Variants in PLCB2 observed in about 807,000 individuals in gnomAD.
PLCB2 encodes 1-phosphatidylinositol 4,5-bisphosphate phosphodiesterase beta-2.
Under a neutral mutation model 141.7 loss-of-function variants are expected in PLCB2, and 115 were observed. That is an observed-to-expected ratio of 0.81 (90% CI 0.70 to 0.95). The LOEUF is 0.95. Among genes scored for constraint, PLCB2 ranks in the 40% least tolerant of loss-of-function variants. The pLI is 0.00. For missense variants in PLCB2, 1,403 were observed against 1,541.1 expected (o/e 0.91, Z 1.50); for synonymous variants, 603 against 595.6 (o/e 1.01, Z -0.18).
chr15:40,303,117 A>T (rs1402051772), intron 3 of PLCB2, among the ~76,000 whole-genome samples, 171 bp downstream of exon 3: 1 of 152,196 alleles, frequency 6.6e-6, no homozygotes, highest in Non-Finnish European at 1.5e-5. Flanking sequence ...AGGCGAGCCC[A>T]GGAGCTGCCG....
intron 16 of PLCB2, 83 bp from the exon 17 acceptor site, chr15:40,295,368 C>G: frequency 1.1e-6 from 1 of 936,046 alleles, no homozygotes; most frequent in South Asian, 1.3e-5. Flanking sequence ...GGGCAGCTCC[C>G]TCTGGCCTAT....
At chr15:40,301,318 GATTCGCTCC>G (rs1391862957) in intron 7 of PLCB2, 4 of 548,442 alleles carry the variant, frequency 7.3e-6, no homozygotes, top group Non-Finnish European at 1.3e-5. Flanking sequence ...CAGGGGCTGA[GATTCGCTCC>G]ATTGGCCAGG....
chr15:40,298,538 G>A, intron 10 of PLCB2, 24 bp downstream of exon 10: 3 of 1,614,030 alleles, frequency 1.9e-6, no homozygotes, highest in Non-Finnish European at 2.5e-6. Context: ...AGCAGAGGTT[G>A]GCACCAATGT....
Position 40,298,313 on chromosome 15 carries a change from G to C in PLCB2, c.1065C>G (p.Cys355Trp). Residue 355 changes from cysteine to tryptophan, a missense_variant, in exon 11 of 32, where the codon TGC (cysteine) becomes TGG (tryptophan). This residue lies in a region of PLCB2 where 975 missense variants were observed against 1,141.1 expected (regional missense o/e 0.85). Transcript: ENST00000260402. Reference sequence around the variant, plus strand: ...TCCCCTTCCAGCAGTCTAGCTCCACGCAACGGCAGCCAGAGAGCAGCACCT... The same window carrying C: ...TCCCCTTCCAGCAGTCTAGCTCCACCCAACGGCAGCCAGAGAGCAGCACCT... ...YRQVLLSGCR[C>W]VELDCWKGKP... is the part of the protein sequence containing the mutation. 6.2e-7 allele frequency: 1 copy of C among 1,607,676 alleles called. No individual in the cohort carries two copies. Among genetic ancestry groups the C allele is most frequent in the Non-Finnish European group, 8.5e-7 (1 of 1,175,706 alleles).
chr15:40,290,512 TA>T (rs2039829802), intron 29 of PLCB2, 64 bp downstream of exon 29: 2 of 1,163,466 alleles, frequency 1.7e-6, no homozygotes, highest in African/African-American at 1.5e-5. Flanking sequence ...GATCCATTTG[TA>T]GAGAGGCCCC....
At chr15:40,289,238 G>T in intron 31 of PLCB2, 34 bp downstream of exon 31, 2 of 1,566,934 alleles carry the variant, frequency 1.3e-6, no homozygotes, top group Middle Eastern at 3.3e-4. Context: ...AACCCATTCA[G>T]TTCTGCTGGG....
intron 21 of PLCB2, among the ~76,000 whole-genome samples, 196 bp downstream of exon 21, chr15:40,292,730 A>C (rs1439979446): frequency 6.6e-6 from 1 of 152,188 alleles, no homozygotes; most frequent in African/African-American, 2.4e-5. Context: ...GCCGTTTCAG[A>C]AAATTACAGC....
Position 40,296,586 on chromosome 15 carries a change from T to C in PLCB2, c.1535A>G (p.Glu512Gly), listed in dbSNP as rs946773450. The part of the protein sequence containing the change: ...GTELEEEEVE[E>G]EEEEESGNLD... ...GTTTCCTGACTCCTCCTCCTCTTCC[T>C]CTTCCACCTCCTCCTCCTCCAGCTC... Residue 512 changes from glutamate to glycine, a missense_variant, in exon 15 of 32, where the codon GAG becomes GGG. Physicochemically the swap from Glu to Gly is moderately conservative, Grantham distance 98. Coordinates refer to ENST00000260402, the MANE Select transcript of PLCB2 (RefSeq NM_004573.3). 2 of 1,613,318 alleles carry C rather than the reference T, an allele frequency of 1.2e-6. No homozygotes were observed. The highest frequency in any genetic ancestry group is 1.7e-6 in the Non-Finnish European group (2 of 1,179,542).
chr15:40,301,040 AGTGTT>A (rs1158677868), intron 7 of PLCB2: 1 of 155,686 alleles, frequency 6.4e-6, no homozygotes, highest in African/African-American at 2.4e-5. Flanking sequence ...ACCACAGGTA[AGTGTT>A]GCTGGCTGTA....
intron 29 of PLCB2, 96 bp from the exon 30 acceptor site, chr15:40,290,178 C>T (rs1281580182): frequency 2.4e-6 from 2 of 825,162 alleles, no homozygotes; most frequent in Middle Eastern, 2.2e-4. Context: ...ATGAGAAATC[C>T]AACATAGGGC....
Position 40,290,124 on chromosome 15 carries a change from T to C in PLCB2, c.3210-42A>G, listed in dbSNP as rs917949504. Reference sequence around the variant, plus strand: ...AGTTTTAGAAAAGGGAGAAAACCCCTAGGGAGAGTAGGGTAACATGAAGTC... The same window carrying C: ...AGTTTTAGAAAAGGGAGAAAACCCCCAGGGAGAGTAGGGTAACATGAAGTC... On this transcript the variant is annotated intron_variant, in intron 29 of 31. Coordinates refer to ENST00000260402, the MANE Select transcript of PLCB2 (RefSeq NM_004573.3). 3 of 1,169,648 alleles carry C rather than the reference T, an allele frequency of 2.6e-6. No homozygotes were observed. The African/African-American group carries it at 4.5e-5, about 18-fold the overall frequency. 72.5% of individuals were successfully genotyped at this position (1,169,648 alleles called of 1,614,324 possible).
At chr15:40,286,173 G>T, downstream of PLCB2, 1 of 370,552 alleles carries the variant, frequency 2.7e-6, no homozygotes, top group Non-Finnish European at 3.7e-6. Context: ...CGCTTAGGGA[G>T]CTGAAGGCTG....
intron 7 of PLCB2, 87 bp from the exon 8 acceptor site, chr15:40,299,315 C>A: frequency 1.1e-6 from 1 of 874,756 alleles, no homozygotes; most frequent in East Asian, 2.4e-5. Flanking sequence ...TCAAGGGGAC[C>A]TGGTCAGAAG....
chr15:40,295,430 A>G (rs1169105249), intron 16 of PLCB2, 145 bp from the exon 17 acceptor site: 4 of 637,726 alleles, frequency 6.3e-6, no homozygotes, highest in Non-Finnish European at 8.6e-6. Flanking sequence ...TTAGGGACCA[A>G]CCTCTGGGAG....
Position 40,288,777 on chromosome 15 carries a change from G to A in PLCB2, c.3496C>T (p.Pro1166Ser). ...AGTGGGTCCTGCTCACACAGCTCTG[G>A]GGGGCACTCGCAGGCCCTCTCAGGC... ...DKPERACECP[P>S]ELCEQDPLIA... Residue 1166 changes from proline (P) to serine (S), a missense_variant, in exon 32 of 32, where the codon CCA (proline) becomes TCA (serine). By Grantham distance (74) the Pro-to-Ser change is moderately conservative. This residue lies in a region of PLCB2 where 132 missense variants were observed against 132.4 expected (regional missense o/e 1.00). Transcript: ENST00000260402. 1.2e-6 allele frequency: 2 copies of A among 1,613,892 alleles called. No homozygotes were observed. Among genetic ancestry groups the A allele is most frequent in the Non-Finnish European group, 1.7e-6 (2 of 1,179,766 alleles).
chr15:40,296,609 C>T lies in PLCB2; in HGVS notation c.1512G>A (p.Glu504=). 2 of 1,613,328 alleles carry T rather than the reference C, an allele frequency of 1.2e-6. No individual in the cohort carries two copies. The highest frequency in any genetic ancestry group is 1.7e-6 in the Non-Finnish European group (2 of 1,179,602). ...CCTCTTCCACCTCCTCCTCCTCCAG[C>T]TCAGTCCCTTCCTCGCCAGCCCACA... ...GTVWAGEEGT[E]LEEEEVEEEE... Residue 504 remains glutamate, a synonymous_variant, in exon 15 of 32, where the codon GAG becomes GAA. Transcript: ENST00000260402.
chr15:40,294,160 C>A, intron 19 of PLCB2, 106 bp downstream of exon 19: 1 of 1,163,496 alleles, frequency 8.6e-7, no homozygotes. Flanking sequence ...GCTGAAGTTT[C>A]CAGGATATCA....
Position 40,298,585 on chromosome 15 carries a change from G to A in PLCB2, c.974C>T (p.Ser325Leu), listed in dbSNP as rs778331998. 9.9e-6 allele frequency: 16 copies of A among 1,614,242 alleles called. No homozygotes were observed. The East Asian group carries it at 1.3e-4, about 13-fold the overall frequency. The part of the protein sequence containing the change: ...TQPLNHYFIN[S>L]SHNTYLTAGQ... ...ACCTGTCAGGTAGGTGTTGTGGGACGAGTTGATGAAGTAATGATTGAGTGG... is the reference window on the plus strand; with the variant it reads ...ACCTGTCAGGTAGGTGTTGTGGGACAAGTTGATGAAGTAATGATTGAGTGG... The change falls in exon 10 of 32, where the codon TCG becomes TTG. Residue 325 changes from serine to leucine, a missense_variant. By Grantham distance (145) the Ser-to-Leu change is moderately radical (BLOSUM62 -2). This residue lies in a region of PLCB2 where 975 missense variants were observed against 1,141.1 expected (regional missense o/e 0.85). Coordinates refer to ENST00000260402, the MANE Select transcript of PLCB2 (RefSeq NM_004573.3).
chr15:40,295,089 G>A (rs377233188), intron 17 of PLCB2, 29 bp from the exon 18 acceptor site: 3 of 1,609,634 alleles, frequency 1.9e-6, no homozygotes, highest in Non-Finnish European at 2.5e-6. Context: ...CCCTAGCCAA[G>A]GCCATCTGCA....
Sources: gnomAD v4.1 joint callset for allele counts (sites outside exome capture counted in the v4.1 genomes callset) on GRCh38, gnomAD v4.1.1 for gene constraint, gnomAD v4.1.1 regional missense constraint, MANE v1.5 for transcripts, NCBI Gene and HGNC (gene_info 2026-07-23, HGNC 2026-07-21) for gene names.